Variants in UGT3A1 observed in about 807,000 individuals in gnomAD.
UGT3A1 encodes the protein UDP glycosyltransferase family 3 member A1, also known as UDP-glycosyltransferase 3A1.
UGT3A1 carries 40 observed loss-of-function variants against 37.6 expected under a neutral mutation model. The observed-to-expected ratio is 1.06, with a 90% CI of 0.83 to 1.38. UGT3A1 has a LOEUF of 1.38. Among genes scored for constraint, UGT3A1 ranks in the 40% most tolerant of loss-of-function variants. The pLI is 0.00. For synonymous variants in UGT3A1, 256 were observed against 232.3 expected (o/e 1.10, Z -0.93); for missense variants, 642 against 634.2 (o/e 1.01, Z -0.13).
At chr5:35,977,176 G>C (rs13183231) in intron 2 of UGT3A1, among the ~76,000 whole-genome samples, 1 of 150,396 alleles carries the variant, frequency 6.6e-6, no homozygotes. Flanking sequence ...TATAACAGAC[G>C]TGTACACAAA....
chr5:35,978,388 G>T (rs1740379860), intron 2 of UGT3A1, among the ~76,000 whole-genome samples: 1 of 152,078 alleles, frequency 6.6e-6, no homozygotes, highest in Non-Finnish European at 1.5e-5. Flanking sequence ...TTTGCCAAAA[G>T]AAAAGAAAAA....
At position 35,965,604 on chromosome 5, in the gene UGT3A1, T is replaced by C; in HGVS notation, c.625A>G (p.Ser209Gly). The stretch of plus-strand genomic sequence containing the variant: ...ATGTCCCATTGGCTCCTGGAGAAAC[T>C]AAAGAACATCAGAAAATTCTTCACT... ...GRVKNFLMFF[S>G]FSRSQWDMQS... Residue 209 changes from serine (S) to glycine (G), a missense_variant, in exon 4 of 7, where the codon AGT becomes GGT. Coordinates refer to ENST00000274278, the MANE Select transcript of UGT3A1 (RefSeq NM_152404.4). 6.2e-7 allele frequency: 1 copy of C among 1,614,108 alleles called. No homozygotes were observed. Among genetic ancestry groups the C allele is most frequent in the Non-Finnish European group, 8.5e-7 (1 of 1,179,996 alleles).
intron 2 of UGT3A1, among the ~76,000 whole-genome samples, chr5:35,975,829 T>A (rs4024105): frequency 0.51 from 77,908 of 152,096 alleles, 22,781 homozygotes; most frequent in Non-Finnish European, 0.66. Context: ...TATCTCCTAA[T>A]GCTATCCCTC....
At chr5:35,954,529 T>C in intron 6 of UGT3A1, 51 bp from the exon 7 acceptor site, 1 of 1,590,314 alleles carries the variant, frequency 6.3e-7, no homozygotes, top group South Asian at 1.1e-5. Context: ...TCACAAGTCT[T>C]ACAGACTTTG....
At chr5:35,970,452 G>A (rs1000332393) in intron 2 of UGT3A1, among the ~76,000 whole-genome samples, 2 of 151,056 alleles carry the variant, frequency 1.3e-5, no homozygotes, top group African/African-American at 4.9e-5. Flanking sequence ...AACGGCACAG[G>A]AAAGACCTGT....
At chr5:35,995,128 A>G (rs1025893432), upstream of UGT3A1, among the ~76,000 whole-genome samples, 4 of 152,148 alleles carry the variant, frequency 2.6e-5, no homozygotes, top group South Asian at 2.1e-4. Flanking sequence ...GTAATCTTTT[A>G]TCTCTCTTAA....
chr5:35,985,075 A>AAT (rs1740674688), intron 2 of UGT3A1, among the ~76,000 whole-genome samples: 1 of 115,436 alleles, frequency 8.7e-6, no homozygotes, highest in Non-Finnish European at 1.7e-5. Context: ...ATAAACATAA[A>AAT]ATATAAAAAA....
upstream of UGT3A1, among the ~76,000 whole-genome samples, chr5:35,993,318 G>C (rs1194380710): frequency 6.6e-6 from 1 of 152,094 alleles, no homozygotes. Flanking sequence ...ACAAAAATTA[G>C]CTGGGCGTGG....
At chr5:35,990,912 A>G in intron 1 of UGT3A1, 1 of 1,380,614 alleles carries the variant, frequency 7.2e-7, no homozygotes, top group Non-Finnish European at 9.4e-7. Context: ...CGCGTCCTGA[A>G]CAAGAAGAGA....
intron 1 of UGT3A1, among the ~76,000 whole-genome samples, chr5:35,999,451 A>G (rs142816593): frequency 6.6e-6 from 1 of 152,186 alleles, no homozygotes; most frequent in Non-Finnish European, 1.5e-5. Context: ...ACTTAAAAAC[A>G]TGTTGAAAGA....
At chr5:35,973,897 G>A (rs1580940338) in intron 2 of UGT3A1, among the ~76,000 whole-genome samples, 2 of 152,188 alleles carry the variant, frequency 1.3e-5, no homozygotes, top group African/African-American at 4.8e-5. Context: ...GATTCATGGA[G>A]ACCTAGAGCA....
rs1348947599 is a variant in UGT3A1, at chr5:35,954,363, G to A, written c.1411C>T (p.Leu471Phe). ...GGCTGCTGGAAGGCATAGGGCTTGAGGTGCGTCGCTCCCCCAGTCTGGAGG... is the reference window on the plus strand; with the variant it reads ...GGCTGCTGGAAGGCATAGGGCTTGAAGTGCGTCGCTCCCCCAGTCTGGAGG... Reference protein sequence around the residue: ...HILQTGGATHLKPYAFQQPWH... With the variant: ...HILQTGGATHFKPYAFQQPWH... Residue 471 changes from leucine to phenylalanine, a missense_variant, in exon 7 of 7, where the codon CTC becomes TTC. Transcript: ENST00000274278. 1.2e-6 allele frequency: 2 copies of A among 1,614,120 alleles called. No individual in the cohort carries two copies. The highest frequency in any genetic ancestry group is 1.7e-6 in the Non-Finnish European group (2 of 1,180,050).
Position 35,952,693 on chromosome 5 carries a change from C to T in UGT3A1, c.*1509G>A, listed in dbSNP as rs1036012646. ...ACACAGGGAAGCATCCATGTCTGCC[C>T]TTCATGGGAGTATGGCCATCAATCA... On this transcript the variant is annotated 3_prime_UTR_variant, in exon 7 of 7. Transcript: ENST00000274278. 1 of 152,106 alleles carries T rather than the reference C, an allele frequency of 6.6e-6. No homozygotes were observed. The highest frequency in any genetic ancestry group is 2.4e-5 in the African/African-American group (1 of 41,392). The allele number at this position is 152,106 out of a possible 1,614,324, so 9.4% of individuals were successfully genotyped here.
intron 2 of UGT3A1, among the ~76,000 whole-genome samples, chr5:35,983,069 C>T (rs1266166532): frequency 6.6e-6 from 1 of 152,070 alleles, no homozygotes; most frequent in Admixed American, 6.6e-5. Context: ...TCGTGTGGAA[C>T]TGTGAGTCAA....
At chr5:35,969,126 T>G (rs141092716) in intron 2 of UGT3A1, among the ~76,000 whole-genome samples, 1 of 152,294 alleles carries the variant, frequency 6.6e-6, no homozygotes, top group East Asian at 1.9e-4. Flanking sequence ...CACTCAGGGT[T>G]AAGACTGACA....
chr5:35,989,503 C>G (rs1740854214), intron 1 of UGT3A1, among the ~76,000 whole-genome samples: 1 of 152,148 alleles, frequency 6.6e-6, no homozygotes, highest in South Asian at 2.1e-4. Context: ...ATGACTCACT[C>G]TACTTATACT....
At chr5:35,972,348 A>C (rs1740077291) in intron 2 of UGT3A1, among the ~76,000 whole-genome samples, 1 of 151,886 alleles carries the variant, frequency 6.6e-6, no homozygotes, top group African/African-American at 2.4e-5. Flanking sequence ...CAAACAAAAA[A>C]CTCTGAGGTT....
At chr5:35,993,129 A>G (rs1741000468), upstream of UGT3A1, among the ~76,000 whole-genome samples, 1 of 151,868 alleles carries the variant, frequency 6.6e-6, no homozygotes, top group Non-Finnish European at 1.5e-5. Context: ...GATTCCCTGC[A>G]TTTTTTTTCT....
upstream of UGT3A1, among the ~76,000 whole-genome samples, chr5:35,993,503 A>C (rs1353845224): frequency 6.6e-6 from 1 of 151,758 alleles, no homozygotes; most frequent in Non-Finnish European, 1.5e-5. Flanking sequence ...AGACAAAGGC[A>C]TGAATGACTA....
Sources: gnomAD v4.1 joint callset for allele counts (sites outside exome capture counted in the v4.1 genomes callset) on GRCh38, gnomAD v4.1.1 for gene constraint, MANE v1.5 for transcripts, NCBI Gene and HGNC (gene_info 2026-07-23, HGNC 2026-07-21) for gene names.